Variants in CCDC60 observed in about 807,000 individuals in gnomAD.
The protein encoded by CCDC60 is coiled-coil domain-containing protein 60.
Under a neutral mutation model 63.5 loss-of-function variants are expected in CCDC60, and 54 were observed. The ratio of observed to expected loss-of-function variants is 0.85; its 90% CI spans 0.68 to 1.07. The LOEUF is 1.07. Among genes scored for constraint, CCDC60 ranks in the 50% least tolerant of loss-of-function variants. The pLI is 0.00. For missense variants in CCDC60, 651 were observed against 684.3 expected (o/e 0.95, Z 0.54); for synonymous variants, 206 against 238.8 (o/e 0.86, Z 1.27).
chr12:119,402,737 G>A (rs568403603), intron 1 of CCDC60, among the ~76,000 whole-genome samples: 4 of 152,242 alleles, frequency 2.6e-5, no homozygotes, highest in African/African-American at 7.2e-5. Context: ...ATCTCTCAAC[G>A]CTGATGATCT....
At chr12:119,392,718 A>G (rs1380982469) in intron 1 of CCDC60, among the ~76,000 whole-genome samples, 1 of 152,212 alleles carries the variant, frequency 6.6e-6, no homozygotes, top group Non-Finnish European at 1.5e-5. Flanking sequence ...CAGCCATGCT[A>G]GTTGATGCTC....
At position 119,374,507 on chromosome 12, in the gene CCDC60, T is replaced by A. The variant is rs140026557; in HGVS notation, c.90+39241T>A. The stretch of plus-strand genomic sequence containing the variant: ...GCAATCTGGACGGGAAAGGGTATGA[T>A]GAGAGATGCTATAGAGGGGTGGTGG... On this transcript the variant is annotated intron_variant, in intron 1 of 13. Transcript: ENST00000327554. Among the ~76,000 whole-genome samples the A allele has an allele frequency of 5.5e-4, 84 of 152,210 alleles. 1 individual carries two copies. Among genetic ancestry groups the A allele is most frequent in the African/African-American group, 1.6e-3 (65 of 41,546 alleles).
intron 2 of CCDC60, among the ~76,000 whole-genome samples, chr12:119,444,948 C>T (rs914852139): frequency 6.6e-6 from 1 of 151,634 alleles, no homozygotes; most frequent in Non-Finnish European, 1.5e-5. Context: ...CTATTAGGTG[C>T]CCAGATATAG....
chr12:119,354,125 T>C (rs1955692773), intron 1 of CCDC60, among the ~76,000 whole-genome samples: 1 of 152,078 alleles, frequency 6.6e-6, no homozygotes, highest in Non-Finnish European at 1.5e-5. Flanking sequence ...TCTCTCTCTC[T>C]TTCTCTGTCT....
chr12:119,441,231 T>C (rs1229860284), intron 2 of CCDC60, among the ~76,000 whole-genome samples: 6 of 152,162 alleles, frequency 3.9e-5, no homozygotes, highest in Non-Finnish European at 8.8e-5. Flanking sequence ...CAGCTGTTCA[T>C]CTGGGATTTC....
intron 7 of CCDC60, among the ~76,000 whole-genome samples, chr12:119,514,841 C>G (rs577008764): frequency 1.2e-3 from 179 of 152,292 alleles, no homozygotes; most frequent in African/African-American, 3.8e-3. Context: ...CCTGGAAGCT[C>G]CATTTATGAT....
At chr12:119,403,027 C>T (rs1213290233) in intron 1 of CCDC60, among the ~76,000 whole-genome samples, 1 of 152,182 alleles carries the variant, frequency 6.6e-6, no homozygotes, top group East Asian at 1.9e-4. Context: ...CGAACATTAT[C>T]TCCAGATACA....
At chr12:119,480,220 C>A (rs148765845) in intron 4 of CCDC60, among the ~76,000 whole-genome samples, 58 of 152,338 alleles carry the variant, frequency 3.8e-4, no homozygotes, top group African/African-American at 1.3e-3. Flanking sequence ...GTCCTCTCAG[C>A]CTCCCTGTTG....
At chr12:119,339,000 T>G (rs1218531200) in intron 1 of CCDC60, among the ~76,000 whole-genome samples, 2 of 152,210 alleles carry the variant, frequency 1.3e-5, no homozygotes, top group Non-Finnish European at 2.9e-5. Context: ...TCATGGTTTT[T>G]GTTTTTGTTT....
At chr12:119,389,055 A>G (rs2136193636) in intron 1 of CCDC60, among the ~76,000 whole-genome samples, 2 of 152,286 alleles carry the variant, frequency 1.3e-5, no homozygotes, top group East Asian at 3.9e-4. Context: ...GGCTCTTCCC[A>G]TGCTCATGCA....
intron 1 of CCDC60, among the ~76,000 whole-genome samples, chr12:119,419,817 T>G (rs1342743716): frequency 6.6e-6 from 1 of 151,584 alleles, no homozygotes; most frequent in Non-Finnish European, 1.5e-5. Flanking sequence ...ACAATCAAAA[T>G]TTCCTATAAA....
chr12:119,459,227 A>C (rs1452927001), intron 2 of CCDC60, among the ~76,000 whole-genome samples: 1 of 152,164 alleles, frequency 6.6e-6, no homozygotes, highest in Non-Finnish European at 1.5e-5. Flanking sequence ...TGCATCTCAA[A>C]CTTCAATGTG....
intron 2 of CCDC60, among the ~76,000 whole-genome samples, chr12:119,449,709 T>G (rs1462649714): frequency 6.6e-6 from 1 of 152,060 alleles, no homozygotes; most frequent in Non-Finnish European, 1.5e-5. Flanking sequence ...AGGAGCTCAG[T>G]CTAGTGGTGG....
intron 1 of CCDC60, among the ~76,000 whole-genome samples, chr12:119,381,816 G>C (rs1343922571): frequency 6.6e-6 from 1 of 152,180 alleles, no homozygotes; most frequent in African/African-American, 2.4e-5. Flanking sequence ...AAACTTATGA[G>C]AAGGATTTCT....
At chr12:119,340,522 G>T (rs551360938) in intron 1 of CCDC60, among the ~76,000 whole-genome samples, 1 of 151,354 alleles carries the variant, frequency 6.6e-6, no homozygotes, top group Non-Finnish European at 1.5e-5. Context: ...CCTTCCTGCC[G>T]CCCCACCCCC....
At chr12:119,370,368 C>T (rs1412908815) in intron 1 of CCDC60, among the ~76,000 whole-genome samples, 4 of 152,206 alleles carry the variant, frequency 2.6e-5, no homozygotes, top group East Asian at 1.9e-4. Context: ...AATGAATTGC[C>T]GTGCTCACTT....
chr12:119,454,582 G>C (rs763807068), intron 2 of CCDC60, among the ~76,000 whole-genome samples: 1 of 152,176 alleles, frequency 6.6e-6, no homozygotes, highest in Non-Finnish European at 1.5e-5. Context: ...ATCTAAACCA[G>C]CCTCTCCCAA....
intron 1 of CCDC60, among the ~76,000 whole-genome samples, chr12:119,337,824 T>TTGTGTGTGTGTGTGTGTGTG (rs60009617): frequency 3.6e-5 from 5 of 140,548 alleles, no homozygotes; most frequent in Non-Finnish European, 6.3e-5. Flanking sequence ...GTGTGTGTAT[T>TTGTGTGTGTGTGTGTGTGTG]TGTGTGTGTG....
At chr12:119,469,694 A>G (rs1445381374) in intron 2 of CCDC60, among the ~76,000 whole-genome samples, 2 of 152,182 alleles carry the variant, frequency 1.3e-5, no homozygotes, top group Admixed American at 6.5e-5. Flanking sequence ...ATTTAAACCT[A>G]TAGAGGCCAC....
Sources: allele counts gnomAD v4.1 joint callset (sites outside exome capture counted in the v4.1 genomes callset), GRCh38; gene constraint gnomAD v4.1.1; transcripts MANE v1.5; gene names NCBI Gene and HGNC (gene_info 2026-07-23, HGNC 2026-07-21).